Variants in COL4A5 observed in about 807,000 individuals in gnomAD.
COL4A5 encodes the protein collagen type IV alpha 5 chain.
Under a neutral mutation model 130.2 loss-of-function variants are expected in COL4A5, and 26 were observed. That is an observed-to-expected ratio of 0.20 (90% CI 0.15 to 0.28). The LOEUF (loss-of-function observed/expected upper bound fraction) is 0.28, where lower values mean the gene tolerates loss of function less well. COL4A5 is among the 10% of genes least tolerant of loss of function. The pLI is 1.00. For synonymous variants in COL4A5, 496 were observed against 439.6 expected (o/e 1.13, Z -1.60); for missense variants, 1,131 against 1,344.3 (o/e 0.84, Z 2.48).
At chrX:108,633,109 G>A (rs1400595815) in intron 36 of COL4A5, among the ~76,000 whole-genome samples, 1 of 111,498 alleles carries the variant, frequency 9.0e-6, no homozygotes, top group African/African-American at 3.3e-5. Flanking sequence ...ATCTCCTTAA[G>A]CTGATAAGTA....
At chrX:108,621,647 G>A (rs2067053066) in intron 31 of COL4A5, among the ~76,000 whole-genome samples, 156 bp from the exon 32 acceptor site, 1 of 111,863 alleles carries the variant, frequency 8.9e-6, no homozygotes, top group African/African-American at 3.3e-5. Context: ...TTATTCATGG[G>A]TATCAGCAGT....
chrX:108,604,152 G>C (rs1417861407), intron 28 of COL4A5, among the ~76,000 whole-genome samples: 5 of 112,137 alleles, frequency 4.5e-5, no homozygotes, highest in African/African-American at 1.6e-4. Context: ...AATGAATCCT[G>C]AATTTTCTTC....
At chrX:108,614,858 A>T in intron 29 of COL4A5, 53 bp from the exon 30 acceptor site, 1 of 847,144 alleles carries the variant, frequency 1.2e-6, no homozygotes, top group Non-Finnish European at 1.8e-6. Context: ...GTTCCCAAGG[A>T]CTAGTGACTC....
intron 1 of COL4A5, among the ~76,000 whole-genome samples, chrX:108,472,449 A>C (rs1293055134): frequency 8.9e-6 from 1 of 111,943 alleles, no homozygotes; most frequent in African/African-American, 3.2e-5. Flanking sequence ...ATCATTATAG[A>C]ACTGTCTATT....
chrX:108,568,370 T>C (rs767364210), intron 4 of COL4A5, among the ~76,000 whole-genome samples: 29 of 111,689 alleles, frequency 2.6e-4, no homozygotes, highest in African/African-American at 9.4e-4. Flanking sequence ...CATCCACGAA[T>C]TTGCCTGCTC....
At chrX:108,686,987 G>T (rs1179072831) in intron 48 of COL4A5, among the ~76,000 whole-genome samples, 4 of 111,827 alleles carry the variant, frequency 3.6e-5, no homozygotes, top group Non-Finnish European at 7.5e-5. Context: ...CTGTCCAAAG[G>T]CCTGTATATA....
At chrX:108,640,766 T>C (rs1293371150) in intron 36 of COL4A5, among the ~76,000 whole-genome samples, 1 of 112,078 alleles carries the variant, frequency 8.9e-6, no homozygotes, top group Non-Finnish European at 1.9e-5. Context: ...TTTGATACTC[T>C]AAAAAGCCAC....
intron 1 of COL4A5, among the ~76,000 whole-genome samples, chrX:108,489,581 C>T (rs920620891): frequency 1.8e-5 from 2 of 111,521 alleles, no homozygotes; most frequent in African/African-American, 6.5e-5. Flanking sequence ...ATTTTAATAC[C>T]GCCCAAGTTT....
At chrX:108,598,360 C>G (rs1367246178) in intron 24 of COL4A5, among the ~76,000 whole-genome samples, 1 of 111,888 alleles carries the variant, frequency 8.9e-6, no homozygotes, top group Non-Finnish European at 1.9e-5. Flanking sequence ...ACATAACACA[C>G]AGCCCAGGAT....
intron 1 of COL4A5, among the ~76,000 whole-genome samples, chrX:108,473,603 A>ATG: frequency 6.7e-5 from 4 of 59,479 alleles, no homozygotes; most frequent in Non-Finnish European, 1.0e-4. Flanking sequence ...TTTTATATAT[A>ATG]TATATATATG....
chrX:108,457,146 A>C (rs1440365767), intron 1 of COL4A5, among the ~76,000 whole-genome samples: 1 of 112,156 alleles, frequency 8.9e-6, no homozygotes, highest in Non-Finnish European at 1.9e-5. Flanking sequence ...GTTTGCTCCC[A>C]CTTCCTCTGC....
chrX:108,442,079 A>G (rs2064407440), intron 1 of COL4A5, among the ~76,000 whole-genome samples: 1 of 111,463 alleles, frequency 9.0e-6, no homozygotes, highest in Middle Eastern at 4.2e-3. Flanking sequence ...ATTAAAACCA[A>G]GGGTTTGTTT....
At chrX:108,684,860 T>C (rs1184914565) in intron 47 of COL4A5, among the ~76,000 whole-genome samples, 1 of 112,427 alleles carries the variant, frequency 8.9e-6, no homozygotes, top group Non-Finnish European at 1.9e-5. Context: ...CTCAAGGAAA[T>C]ACTGGCAAAC....
At chrX:108,637,482 A>G (rs2067376698) in intron 36 of COL4A5, among the ~76,000 whole-genome samples, 2 of 112,015 alleles carry the variant, frequency 1.8e-5, no homozygotes, top group South Asian at 7.3e-4. Context: ...TAAAAAAATC[A>G]TAGATGAAGT....
At chrX:108,508,843 TA>T (rs2065153774) in intron 1 of COL4A5, among the ~76,000 whole-genome samples, 1 of 111,866 alleles carries the variant, frequency 8.9e-6, no homozygotes, top group Admixed American at 9.4e-5. Context: ...GGTGCTGGGA[TA>T]ACCAGCTAGC....
intron 3 of COL4A5, among the ~76,000 whole-genome samples, chrX:108,563,242 C>T (rs900919764): frequency 8.1e-5 from 9 of 110,919 alleles, no homozygotes; most frequent in South Asian, 7.5e-4. Flanking sequence ...AAATAGTTAA[C>T]GAAAACTCAG....
At chrX:108,548,268 G>A (rs1385183232) in intron 2 of COL4A5, among the ~76,000 whole-genome samples, 2 of 111,684 alleles carry the variant, frequency 1.8e-5, no homozygotes, top group African/African-American at 6.5e-5. Context: ...TTTGGAAACT[G>A]TATTTTAAAA....
At chrX:108,461,870 C>T (rs2064657630) in intron 1 of COL4A5, among the ~76,000 whole-genome samples, 1 of 112,076 alleles carries the variant, frequency 8.9e-6, no homozygotes. Flanking sequence ...GCTGGGATTA[C>T]AGGAGTGGGC....
intron 3 of COL4A5, among the ~76,000 whole-genome samples, chrX:108,560,424 C>T (rs186474107): frequency 2.6e-4 from 29 of 112,652 alleles, no homozygotes; most frequent in African/African-American, 9.0e-4. Context: ...GGAGTTGAGG[C>T]TAGTCTGTTT....
Sources: gnomAD v4.1 joint callset for allele counts (sites outside exome capture counted in the v4.1 genomes callset) on GRCh38, gnomAD v4.1.1 for gene constraint, MANE v1.5 for transcripts, NCBI Gene and HGNC (gene_info 2026-07-23, HGNC 2026-07-21) for gene names.